The following COL19A1 variants were observed in gnomAD, a reference collection of about 807,000 sequenced individuals.
COL19A1 encodes the protein collagen alpha-1(XIX) chain.
COL19A1 carries 159 observed loss-of-function variants against 190.2 expected under a neutral mutation model. The observed-to-expected ratio is 0.84, with a 90% confidence interval of 0.73 to 0.95. The LOEUF (loss-of-function observed/expected upper bound fraction) is 0.95, where lower values mean the gene tolerates loss of function less well. Among genes scored for constraint, COL19A1 ranks in the 40% least tolerant of loss-of-function variants. The pLI, the probability that COL19A1 is intolerant of heterozygous loss-of-function variation, is 0.00. For synonymous variants in COL19A1, 509 were observed against 458.9 expected (o/e 1.11, Z -1.39); for missense variants, 1,418 against 1,431.9 (o/e 0.99, Z 0.16).
At chr6:69,900,435 A>G (rs1200122966) in intron 4 of COL19A1, 97 bp downstream of exon 4, 2 of 635,596 alleles carry the variant, frequency 3.1e-6, no homozygotes, top group Non-Finnish European at 5.1e-6. Flanking sequence ...AAGTTTCTCA[A>G]TAGCATCATC....
chr6:69,879,535 G>C lies in COL19A1; in HGVS notation c.-32-1G>C. The stretch of plus-strand genomic sequence containing the variant: ...TTCAAATTTTTTTTTTTCTGTTGCA[G>C]ATCCGTGGCCGTTCACATGGTTTCA... On this transcript the variant is annotated splice_acceptor_variant, in intron 1 of 50. Transcript: ENST00000620364. LOFTEE classifies it low-confidence loss of function (5UTR_SPLICE). 6.3e-7 allele frequency: 1 copy of C among 1,582,076 alleles called. No individual in the cohort carries two copies. The highest frequency in any genetic ancestry group is 2.2e-5 in the East Asian group (1 of 44,740).
chr6:69,973,098 G>T (rs146094813), intron 11 of COL19A1, among the ~76,000 whole-genome samples: 1 of 152,264 alleles, frequency 6.6e-6, no homozygotes, highest in African/African-American at 2.4e-5. Flanking sequence ...AATGATTAAG[G>T]CAACTTGACT....
chr6:70,034,232 A>G lies in COL19A1; in HGVS notation c.1081-13A>G, dbSNP rs939009483. The G allele has an allele frequency of 3.1e-6, 5 of 1,595,546 alleles. No individual in the cohort carries two copies. In the Admixed American group the frequency reaches 5.0e-5, roughly 16 times the overall value. On this transcript the variant is annotated splice_polypyrimidine_tract_variant and intron_variant, in intron 12 of 50. Coordinates refer to ENST00000620364, the MANE Select transcript of COL19A1 (RefSeq NM_001858.6). ...TTTCTGTGAACTGTGTATTGGTTAT[A>G]TTCTTTCTACAGGGTTTGAAAGGTG...
chr6:70,163,341 A>G lies in COL19A1; in HGVS notation c.2347-2A>G, dbSNP rs1159674565. Reference sequence around the variant, plus strand: ...TAACAAACTTAGTTTTGTGTTTTACAGGGCTTAATGGGAAGAACTGGACAT... The same window carrying G: ...TAACAAACTTAGTTTTGTGTTTTACGGGGCTTAATGGGAAGAACTGGACAT... On this transcript the variant is annotated splice_acceptor_variant, in intron 35 of 50. Coordinates refer to ENST00000620364, the MANE Select transcript of COL19A1 (RefSeq NM_001858.6). LOFTEE classifies it high-confidence loss of function. 1 of 1,611,992 alleles carries G rather than the reference A, an allele frequency of 6.2e-7. No homozygotes were observed. Among genetic ancestry groups the G allele is most frequent in the South Asian group, 1.1e-5 (1 of 90,868 alleles).
At chr6:69,977,036 C>T (rs886379890) in intron 11 of COL19A1, among the ~76,000 whole-genome samples, 2 of 152,114 alleles carry the variant, frequency 1.3e-5, no homozygotes, top group Non-Finnish European at 2.9e-5. Context: ...CCAGAAATAC[C>T]GTTTGACCCA....
chr6:69,931,063 T>A (rs1302681240), intron 6 of COL19A1, among the ~76,000 whole-genome samples: 2 of 152,186 alleles, frequency 1.3e-5, no homozygotes, highest in Non-Finnish European at 2.9e-5. Context: ...ACTGAAACTT[T>A]GAATGGATTA....
chr6:69,902,360 C>A (rs370852680), intron 4 of COL19A1, among the ~76,000 whole-genome samples: 2 of 152,086 alleles, frequency 1.3e-5, no homozygotes, highest in Admixed American at 6.6e-5. Flanking sequence ...ATTGTTCTGG[C>A]ATATCCCAGG....
intron 16 of COL19A1, among the ~76,000 whole-genome samples, chr6:70,120,076 G>A (rs1239357482): frequency 6.6e-6 from 1 of 152,172 alleles, no homozygotes; most frequent in Non-Finnish European, 1.5e-5. Context: ...GGGTGACAGA[G>A]TGAGACTCTG....
intron 4 of COL19A1, among the ~76,000 whole-genome samples, chr6:69,917,398 T>G (rs889928629): frequency 6.6e-6 from 1 of 152,220 alleles, no homozygotes; most frequent in Non-Finnish European, 1.5e-5. Flanking sequence ...AAGCACTTAC[T>G]AGGACTGGTT....
intron 15 of COL19A1, among the ~76,000 whole-genome samples, chr6:70,072,689 T>C (rs879316165): frequency 3.9e-5 from 6 of 152,138 alleles, no homozygotes; most frequent in Non-Finnish European, 7.4e-5. Flanking sequence ...AAGCTGGCTT[T>C]GAAGCTGTGT....
rs78536276 is a variant in COL19A1 at position 70,189,470 on chromosome 6, C to T, written c.3028-845C>T. Among the ~76,000 whole-genome samples the T allele has an allele frequency of 3.8e-3, 584 of 152,234 alleles. 5 individuals are homozygous for T. Among genetic ancestry groups the T allele is most frequent in the African/African-American group, 0.013 (541 of 41,532 alleles). On this transcript the variant is annotated intron_variant, in intron 47 of 50. Transcript: ENST00000620364. ...TGGGGCTTATTGCCTTTGTCACAAC[C>T]GCCAATCTTCATCATATTGTCTTTA...
intron 2 of COL19A1, chr6:69,879,862 A>G (rs1768400773): frequency 1.8e-6 from 1 of 556,318 alleles, no homozygotes; most frequent in East Asian, 2.8e-5. Flanking sequence ...TACGCATAGT[A>G]TATTAGTCTA....
intron 1 of COL19A1, among the ~76,000 whole-genome samples, chr6:69,876,150 G>A (rs73478060): frequency 0.011 from 1,599 of 152,220 alleles, 24 homozygotes; most frequent in African/African-American, 0.033. Flanking sequence ...CTTGGTGAGA[G>A]GCATTTCAGT....
At chr6:70,171,907 A>G in intron 40 of COL19A1, 57 bp from the exon 41 acceptor site, 1 of 1,559,686 alleles carries the variant, frequency 6.4e-7, no homozygotes, top group Non-Finnish European at 8.8e-7. Flanking sequence ...TTTGGAAACC[A>G]ATGCTTAAAA....
At chr6:70,156,535 G>T in intron 33 of COL19A1, 135 bp from the exon 34 acceptor site, 1 of 1,060,306 alleles carries the variant, frequency 9.4e-7, no homozygotes, top group Non-Finnish European at 1.4e-6. Flanking sequence ...AAAGTCACTT[G>T]CAAATGTTGC....
chr6:70,185,142 T>G (rs1766428352), intron 46 of COL19A1, among the ~76,000 whole-genome samples: 1 of 152,216 alleles, frequency 6.6e-6, no homozygotes, highest in African/African-American at 2.4e-5. Context: ...AAGTATACTT[T>G]GCTGTTTAAA....
intron 14 of COL19A1, among the ~76,000 whole-genome samples, chr6:70,061,923 T>A (rs1052297498): frequency 6.6e-6 from 1 of 152,160 alleles, no homozygotes; most frequent in Non-Finnish European, 1.5e-5. Flanking sequence ...GTTTTTCTTA[T>A]AAACACTAGG....
At chr6:70,023,303 T>A (rs1778531284) in intron 11 of COL19A1, among the ~76,000 whole-genome samples, 1 of 151,832 alleles carries the variant, frequency 6.6e-6, no homozygotes, top group African/African-American at 2.4e-5. Context: ...CTGGCTAATT[T>A]TTTTTGTATT....
chr6:70,059,412 T>A lies in COL19A1; in HGVS notation c.1171-9011T>A, dbSNP rs192639941. ...TCTACCCTATTAACTCTACAAAACA[T>A]CTGCTATATTTGTTAAACACTTCAA... On this transcript the variant is annotated intron_variant, in intron 14 of 50. Transcript: ENST00000620364. Among the ~76,000 whole-genome samples, 8 of 152,274 alleles carry A rather than the reference T, an allele frequency of 5.3e-5. No homozygotes were observed. In the East Asian group the frequency reaches 1.5e-3, roughly 29 times the overall value.
Sources: allele counts gnomAD v4.1 joint callset (sites outside exome capture counted in the v4.1 genomes callset), GRCh38; gene constraint gnomAD v4.1.1; transcripts MANE v1.5; gene names NCBI Gene and HGNC (gene_info 2026-07-23, HGNC 2026-07-21).